DOK6: variants seen among roughly 807,000 people sequenced by gnomAD.
DOK6 encodes the protein downstream of tyrosine kinase 6.
A neutral mutation model predicts 44.0 loss-of-function variants in DOK6; 22 were observed. The ratio of observed to expected loss-of-function variants is 0.50; its 90% confidence interval spans 0.36 to 0.71. The LOEUF (loss-of-function observed/expected upper bound fraction) is 0.71. Among genes scored for constraint, DOK6 ranks in the 30% least tolerant of loss-of-function variants. The pLI, the probability that DOK6 is intolerant of heterozygous loss-of-function variation, is 0.00. For synonymous variants in DOK6, 166 were observed against 145.5 expected (o/e 1.14, Z -1.01); for missense variants, 340 against 416.4 (o/e 0.82, Z 1.60).
intron 5 of DOK6, among the ~76,000 whole-genome samples, chr18:69,709,956 C>A (rs531196611): frequency 6.6e-6 from 1 of 152,150 alleles, no homozygotes; most frequent in Non-Finnish European, 1.5e-5. Flanking sequence ...GCTGCCAGAT[C>A]GCTTGAGCTC....
chr18:69,552,363 T>G (rs1274041780), intron 1 of DOK6, among the ~76,000 whole-genome samples: 2 of 151,976 alleles, frequency 1.3e-5, no homozygotes, highest in African/African-American at 2.4e-5. Context: ...ATAGCAAGCA[T>G]TATACTAAAT....
intron 5 of DOK6, among the ~76,000 whole-genome samples, chr18:69,714,363 C>A (rs1039710326): frequency 6.6e-6 from 1 of 152,192 alleles, no homozygotes; most frequent in Admixed American, 6.5e-5. Context: ...GCCCTGGGAG[C>A]TGCCTGGACA....
chr18:69,595,092 C>A (rs1240791113), intron 2 of DOK6, among the ~76,000 whole-genome samples: 2 of 152,138 alleles, frequency 1.3e-5, no homozygotes, highest in African/African-American at 4.8e-5. Flanking sequence ...CTGCAAAACA[C>A]TGATGAAAGA....
At chr18:69,693,928 G>C (rs546167117) in intron 4 of DOK6, among the ~76,000 whole-genome samples, 1 of 151,478 alleles carries the variant, frequency 6.6e-6, no homozygotes, top group Admixed American at 6.6e-5. Context: ...GCGTGGTGGC[G>C]GGCGCCTGTA....
intron 1 of DOK6, among the ~76,000 whole-genome samples, chr18:69,477,568 T>C (rs780381067): frequency 1.3e-5 from 2 of 152,170 alleles, no homozygotes; most frequent in African/African-American, 2.4e-5. Flanking sequence ...ACAAACAGTA[T>C]TTATTCCTCC....
chr18:69,521,438 C>T (rs1301499843), intron 1 of DOK6, among the ~76,000 whole-genome samples: 1 of 125,522 alleles, frequency 8.0e-6, no homozygotes, highest in African/African-American at 2.9e-5. Context: ...TTAAATTTTA[C>T]AGTCATTTAA....
chr18:69,713,825 G>C (rs533902845), intron 5 of DOK6, among the ~76,000 whole-genome samples: 1 of 152,224 alleles, frequency 6.6e-6, no homozygotes, highest in East Asian at 1.9e-4. Flanking sequence ...TGGTAGATCT[G>C]CATTGGTGTT....
chr18:69,624,428 A>G (rs1421318982), intron 3 of DOK6, among the ~76,000 whole-genome samples: 3 of 152,182 alleles, frequency 2.0e-5, no homozygotes, highest in African/African-American at 7.2e-5. Flanking sequence ...TCTGTAATTT[A>G]AAACCAGCTA....
chr18:69,612,399 T>TTGTGTGTGAGGGCGCA (rs61589651), intron 3 of DOK6, among the ~76,000 whole-genome samples: 5,758 of 62,458 alleles, frequency 0.092, 276 homozygotes, highest in East Asian at 0.23. Context: ...CGAAGAGACT[T>TTGTGTGTGAGGGCGCA]TGTGTGCGAG....
chr18:69,478,538 C>T (rs1158036781), intron 1 of DOK6, among the ~76,000 whole-genome samples: 2 of 152,048 alleles, frequency 1.3e-5, no homozygotes, highest in Non-Finnish European at 2.9e-5. Flanking sequence ...TAACTACAAC[C>T]TCCTCAGTCA....
At chr18:69,592,191 G>T (rs1983637317) in intron 2 of DOK6, among the ~76,000 whole-genome samples, 1 of 150,600 alleles carries the variant, frequency 6.6e-6, no homozygotes, top group Non-Finnish European at 1.5e-5. Context: ...AATAAAGTTG[G>T]GTAAGAGTAA....
chr18:69,531,600 T>G (rs977803), intron 1 of DOK6, among the ~76,000 whole-genome samples: 1 of 152,014 alleles, frequency 6.6e-6, no homozygotes, highest in Non-Finnish European at 1.5e-5. Flanking sequence ...ACAGAACCTG[T>G]AGTTCACGAA....
chr18:69,812,751 A>G (rs533906650), intron 7 of DOK6, among the ~76,000 whole-genome samples: 3 of 152,194 alleles, frequency 2.0e-5, no homozygotes, highest in East Asian at 3.9e-4. Context: ...GCCTCAGGAG[A>G]CTTAAAATTA....
rs573326078 is a variant in DOK6 at position 69,682,799 on chromosome 18, G to A, written c.409+4946G>A. ...ATGCCAAAATAAAAACAAAAGGAAA[G>A]TACTGTGGTAGAGGTGAGATTAATT... On this transcript the variant is annotated intron_variant, in intron 4 of 7. Coordinates refer to ENST00000382713, the MANE Select transcript of DOK6 (RefSeq NM_152721.6). Among the ~76,000 whole-genome samples the A allele has an allele frequency of 2.0e-5, 3 of 152,288 alleles. No individual in the cohort carries two copies. In the South Asian group the frequency reaches 6.2e-4, roughly 32 times the overall value.
At chr18:69,759,774 A>C (rs1194135297) in intron 7 of DOK6, among the ~76,000 whole-genome samples, 6 of 152,238 alleles carry the variant, frequency 3.9e-5, no homozygotes, top group Non-Finnish European at 8.8e-5. Context: ...CTTGCAGCAA[A>C]GTTAAAGGCT....
At chr18:69,416,863 C>T (rs1343648440) in intron 1 of DOK6, among the ~76,000 whole-genome samples, 4 of 152,100 alleles carry the variant, frequency 2.6e-5, no homozygotes, top group Admixed American at 2.6e-4. Context: ...TGTTTTCCTT[C>T]TTGCATGTTT....
At chr18:69,593,256 C>T (rs907878641) in intron 2 of DOK6, among the ~76,000 whole-genome samples, 1 of 151,878 alleles carries the variant, frequency 6.6e-6, no homozygotes, top group Admixed American at 6.6e-5. Flanking sequence ...CCTGTAGTCC[C>T]AGCTACTTGG....
intron 3 of DOK6, among the ~76,000 whole-genome samples, chr18:69,611,169 C>A (rs12326846): frequency 0.34 from 52,511 of 152,222 alleles, 11,132 homozygotes; most frequent in Non-Finnish European, 0.46. Context: ...GAAATTTTGC[C>A]TATGTGAATT....
intron 1 of DOK6, among the ~76,000 whole-genome samples, chr18:69,504,113 G>A (rs533089386): frequency 1.8e-3 from 280 of 152,062 alleles, no homozygotes; most frequent in African/African-American, 6.2e-3. Flanking sequence ...TCTAGTCTGA[G>A]AGTTAATGGG....
Sources: gnomAD v4.1 joint callset for allele counts (sites outside exome capture counted in the v4.1 genomes callset) on GRCh38, gnomAD v4.1.1 for gene constraint, MANE v1.5 for transcripts, NCBI Gene and HGNC (gene_info 2026-07-23, HGNC 2026-07-21) for gene names.